Variants in KIAA0825 observed in about 807,000 individuals in gnomAD.
KIAA0825 encodes uncharacterized protein KIAA0825.
Under a neutral mutation model 147.6 loss-of-function variants are expected in KIAA0825, and 119 were observed. That is an observed-to-expected ratio of 0.81 (90% CI 0.69 to 0.94). KIAA0825 has a LOEUF of 0.94. KIAA0825 is among the 40% of genes least tolerant of loss of function. KIAA0825 has a pLI of 0.00. For missense variants in KIAA0825, 1,381 were observed against 1,472.7 expected (o/e 0.94, Z 1.02); for synonymous variants, 470 against 518.1 (o/e 0.91, Z 1.26).
intron 20 of KIAA0825, among the ~76,000 whole-genome samples, chr5:94,214,881 A>G (rs1773066242): frequency 6.6e-6 from 1 of 152,192 alleles, no homozygotes. Flanking sequence ...CAAACAAACA[A>G]CAAAACAAAA....
intron 20 of KIAA0825, among the ~76,000 whole-genome samples, chr5:94,243,710 C>T (rs1221179493): frequency 6.6e-6 from 1 of 152,026 alleles, no homozygotes. Context: ...CTTGTGTCTT[C>T]CCTCATACTC....
rs187443556 is a variant in KIAA0825, at chr5:94,524,998, A to T, written c.132-900T>A. Among the ~76,000 whole-genome samples, 36 of 151,934 alleles carry T rather than the reference A, an allele frequency of 2.4e-4. No homozygotes were observed. The East Asian group carries it at 6.6e-3, about 28-fold the overall frequency. ...TTTGTGGGGTAAACTGGTGACCTTT[A>T]GCAGAGTGCCATCTGCAGAGCCACA... On this transcript the variant is annotated intron_variant, in intron 3 of 20. Transcript: ENST00000682413.
intron 4 of KIAA0825, among the ~76,000 whole-genome samples, chr5:94,521,334 T>C (rs373188941): frequency 1.3e-5 from 2 of 151,814 alleles, no homozygotes; most frequent in East Asian, 3.8e-4. Context: ...ATTTTCATGC[T>C]TGAATGAGTA....
chr5:94,523,785 G>T, intron 4 of KIAA0825, 145 bp downstream of exon 4: 1 of 455,288 alleles, frequency 2.2e-6, no homozygotes, highest in Non-Finnish European at 3.9e-6. Context: ...GGATTATGTT[G>T]GGGATATAGG....
chr5:94,552,338 T>C (rs1430740232), intron 2 of KIAA0825, among the ~76,000 whole-genome samples: 1 of 152,132 alleles, frequency 6.6e-6, no homozygotes. Context: ...CAACATCTCG[T>C]TCTCAGCACT....
intron 13 of KIAA0825, among the ~76,000 whole-genome samples, chr5:94,445,253 T>G (rs1757581807): frequency 6.6e-6 from 1 of 152,160 alleles, no homozygotes. Flanking sequence ...ATACTTGAAG[T>G]AAGTCCTTTC....
chr5:94,293,684 T>G (rs185862447), intron 20 of KIAA0825, among the ~76,000 whole-genome samples: 1 of 152,172 alleles, frequency 6.6e-6, no homozygotes, highest in African/African-American at 2.4e-5. Context: ...TTCTGTCTCA[T>G]TGATCTGTCT....
At chr5:94,363,266 G>C (rs546589539) in intron 20 of KIAA0825, among the ~76,000 whole-genome samples, 1 of 151,102 alleles carries the variant, frequency 6.6e-6, no homozygotes, top group East Asian at 1.9e-4. Flanking sequence ...TAAGAGATCC[G>C]CAAGCTTCTG....
At chr5:94,576,048 C>CA (rs560030417) in intron 2 of KIAA0825, among the ~76,000 whole-genome samples, 278 of 152,006 alleles carry the variant, frequency 1.8e-3, no homozygotes, top group African/African-American at 5.9e-3. Context: ...GTAGGCCGTA[C>CA]AAGTGGAAAT....
chr5:94,539,856 C>T (rs1010192410), intron 2 of KIAA0825, among the ~76,000 whole-genome samples: 12 of 152,216 alleles, frequency 7.9e-5, no homozygotes, highest in South Asian at 2.1e-4. Flanking sequence ...TTTGGCACTA[C>T]GGGATGTGAA....
rs972462276 is a variant in KIAA0825 at position 94,402,261 on chromosome 5, C to A, written c.2887+1308G>T. The stretch of plus-strand genomic sequence containing the variant: ...GGAATTCCAAAGTGCTTAGAAAAAG[C>A]AAAATTGTTCGTGAATAGAATGACT... On this transcript the variant is annotated intron_variant, in intron 16 of 20. Transcript: ENST00000682413. Among the ~76,000 whole-genome samples the A allele has an allele frequency of 7.9e-5, 12 of 152,022 alleles. 1 individual carries two copies. The highest frequency in any genetic ancestry group is 7.9e-4 in the Admixed American group (12 of 15,262).
intron 6 of KIAA0825, 43 bp downstream of exon 6, chr5:94,484,726 G>C: frequency 2.3e-6 from 3 of 1,315,184 alleles, no homozygotes; most frequent in Non-Finnish European, 3.0e-6. Context: ...CAAAAACACA[G>C]AGAAATTATA....
intron 20 of KIAA0825, among the ~76,000 whole-genome samples, chr5:94,348,332 G>C (rs544566107): frequency 1.1e-4 from 16 of 152,226 alleles, no homozygotes; most frequent in African/African-American, 3.9e-4. Context: ...CTTCACCTAG[G>C]TACACTGTCA....
intron 20 of KIAA0825, among the ~76,000 whole-genome samples, chr5:94,218,155 C>CA (rs1469260699): frequency 2.0e-5 from 3 of 152,162 alleles, no homozygotes; most frequent in Non-Finnish European, 2.9e-5. Context: ...AGTTTCACAT[C>CA]AAAAAGCAAA....
At chr5:94,378,503 C>A (rs61629774) in intron 20 of KIAA0825, among the ~76,000 whole-genome samples, 3,792 of 150,702 alleles carry the variant, frequency 0.025, 167 homozygotes, top group African/African-American at 0.087. Context: ...TGCAGTCTAC[C>A]ATTGATGAGC....
rs557684622 is a variant in KIAA0825, at chr5:94,564,971, TTCTTC to T, written c.-2+17457_-2+17461del. ...CCTTTTCTTTTCTTTTCTTTTCTTT[TTCTTC>T]TCTTCTCTTCTCTTCTCCTCTCTCT... On this transcript the variant is annotated intron_variant, in intron 2 of 20. Transcript: ENST00000682413. Among the ~76,000 whole-genome samples, 1,447 of 145,006 alleles carry T rather than the reference TTCTTC, an allele frequency of 1.0e-2. 29 individuals are homozygous for T. Among genetic ancestry groups the T allele is most frequent in the African/African-American group, 0.032 (1,211 of 37,374 alleles).
chr5:94,548,972 T>C (rs1584857212), intron 2 of KIAA0825, among the ~76,000 whole-genome samples: 1 of 152,120 alleles, frequency 6.6e-6, no homozygotes. Flanking sequence ...GAGACCTCAA[T>C]ACAATAATAG....
At chr5:94,457,531 T>C (rs1759263402) in intron 12 of KIAA0825, among the ~76,000 whole-genome samples, 1 of 152,246 alleles carries the variant, frequency 6.6e-6, no homozygotes, top group Non-Finnish European at 1.5e-5. Context: ...CAACTAGCTA[T>C]GCCCCTTCCT....
chr5:94,558,977 T>C (rs1777070968), intron 2 of KIAA0825, among the ~76,000 whole-genome samples: 1 of 152,196 alleles, frequency 6.6e-6, no homozygotes, highest in South Asian at 2.1e-4. Context: ...TGCATGACTG[T>C]CCATAAAAAT....
Sources: gnomAD v4.1 joint callset for allele counts (sites outside exome capture counted in the v4.1 genomes callset) on GRCh38, gnomAD v4.1.1 for gene constraint, MANE v1.5 for transcripts, NCBI Gene and HGNC (gene_info 2026-07-23, HGNC 2026-07-21) for gene names.